PPP1R12B: variants seen among roughly 807,000 people sequenced by gnomAD.
PPP1R12B encodes protein phosphatase 1 regulatory subunit 12B.
Under a neutral mutation model 126.1 loss-of-function variants are expected in PPP1R12B, and 76 were observed. The observed-to-expected ratio is 0.60, with a 90% confidence interval of 0.50 to 0.73. The LOEUF is 0.73. PPP1R12B is among the 30% of genes least tolerant of loss of function. The pLI, the probability that PPP1R12B is intolerant of heterozygous loss-of-function variation, is 0.00. For missense variants in PPP1R12B, 1,052 were observed against 1,205.1 expected (o/e 0.87, Z 1.88); for synonymous variants, 356 against 434.7 (o/e 0.82, Z 2.25).
intron 18 of PPP1R12B, among the ~76,000 whole-genome samples, chr1:202,511,161 G>A (rs1440018340): frequency 1.3e-5 from 2 of 149,896 alleles, no homozygotes; most frequent in Non-Finnish European, 3.0e-5. Context: ...CTTTGATGGC[G>A]ATTTCTGAGA....
At chr1:202,566,803 A>T (rs1397787127) in intron 21 of PPP1R12B, among the ~76,000 whole-genome samples, 2 of 150,906 alleles carry the variant, frequency 1.3e-5, no homozygotes, top group Non-Finnish European at 3.0e-5. Flanking sequence ...CCATTCCTTA[A>T]TTTTTTTTTT....
rs1212040386 is a variant in PPP1R12B at position 202,430,724 on chromosome 1, T to C, written c.922-7T>C. The C allele has an allele frequency of 6.2e-7, 1 of 1,612,224 alleles. No homozygotes were observed. Among genetic ancestry groups the C allele is most frequent in the Admixed American group, 1.7e-5 (1 of 59,880 alleles). On this transcript the variant is annotated splice_region_variant and splice_polypyrimidine_tract_variant and intron_variant, in intron 6 of 23. Transcript: ENST00000608999. ...TTCCCTTTTCTCTCTGTTTTCTCCA[T>C]TTCCAGCTTCGAAGTGAAAAGGAGA...
intron 1 of PPP1R12B, among the ~76,000 whole-genome samples, chr1:202,412,441 A>C (rs1373501406): frequency 6.6e-6 from 1 of 152,226 alleles, no homozygotes; most frequent in Non-Finnish European, 1.5e-5. Flanking sequence ...CTCCCGTTTG[A>C]TACCTGGACT....
At chr1:202,447,806 A>G (rs955000487) in intron 12 of PPP1R12B, among the ~76,000 whole-genome samples, 2 of 152,190 alleles carry the variant, frequency 1.3e-5, no homozygotes, top group Non-Finnish European at 2.9e-5. Context: ...GTGTCTAGCT[A>G]ATTTTATTAG....
intron 2 of PPP1R12B, chr1:202,417,349 A>G (rs1668215497): frequency 2.1e-5 from 21 of 985,332 alleles, no homozygotes; most frequent in Non-Finnish European, 2.4e-5. Context: ...CAGTCACAGC[A>G]CTCGTGTAGT....
intron 1 of PPP1R12B, among the ~76,000 whole-genome samples, chr1:202,378,410 A>C (rs1661632174): frequency 1.3e-5 from 2 of 152,014 alleles, no homozygotes; most frequent in African/African-American, 4.8e-5. Flanking sequence ...TTGCTCCATT[A>C]TGCTGAAACT....
chr1:202,439,620 T>G (rs1671348466), intron 10 of PPP1R12B: 7 of 929,752 alleles, frequency 7.5e-6, no homozygotes, highest in Non-Finnish European at 1.2e-5. Context: ...TGCCCTGTGC[T>G]CCATAACTCC....
At chr1:202,537,024 C>G (rs1271866483) in intron 18 of PPP1R12B, among the ~76,000 whole-genome samples, 2 of 152,168 alleles carry the variant, frequency 1.3e-5, no homozygotes, top group African/African-American at 4.8e-5. Context: ...GAAGTACACT[C>G]TAAAATAATG....
intron 1 of PPP1R12B, among the ~76,000 whole-genome samples, chr1:202,356,360 G>A (rs1055966564): frequency 2.0e-5 from 3 of 152,178 alleles, no homozygotes; most frequent in East Asian, 1.9e-4. Flanking sequence ...AAAACATACA[G>A]AGAAGAGCAG....
intron 6 of PPP1R12B, among the ~76,000 whole-genome samples, chr1:202,429,148 C>G (rs775939338): frequency 4.3e-4 from 66 of 152,194 alleles, no homozygotes; most frequent in Non-Finnish European, 3.7e-4. Context: ...TATAAGATAG[C>G]CTTCAAGAAG....
At chr1:202,355,884 T>C (rs1028886755) in intron 1 of PPP1R12B, among the ~76,000 whole-genome samples, 1 of 152,122 alleles carries the variant, frequency 6.6e-6, no homozygotes, top group African/African-American at 2.4e-5. Flanking sequence ...AAATCTCCTA[T>C]AGGTGTTTAG....
chr1:202,533,506 A>G (rs902669340), intron 18 of PPP1R12B, among the ~76,000 whole-genome samples: 8 of 151,556 alleles, frequency 5.3e-5, no homozygotes, highest in Non-Finnish European at 8.8e-5. Flanking sequence ...TTTGGTAGAG[A>G]CGGGGTTTTA....
At chr1:202,404,177 G>A (rs1481220819) in intron 1 of PPP1R12B, among the ~76,000 whole-genome samples, 1 of 152,100 alleles carries the variant, frequency 6.6e-6, no homozygotes, top group Admixed American at 6.6e-5. Context: ...CTTTATCATG[G>A]ATGGAATATA....
chr1:202,591,926 G>C lies in PPP1R12B; in HGVS notation c.*11366G>C, dbSNP rs1175940973. On this transcript the variant is annotated 3_prime_UTR_variant, in exon 24 of 24. Transcript: ENST00000608999. ...TGAACTGTGAACCCAGGCCGAGAAA[G>C]CCAGCTCGGGCAGGGCCAGCATGGG... 2 of 152,902 alleles carry C rather than the reference G, an allele frequency of 1.3e-5. No individual in the cohort carries two copies. The highest frequency in any genetic ancestry group is 3.9e-4 in the East Asian group (2 of 5,188). The allele number at this position is 152,902 out of a possible 1,614,324, so 9.5% of individuals were successfully genotyped here. A position where few individuals can be genotyped will look rare whatever the true frequency, so the allele number is the denominator to read the frequency against.
chr1:202,576,759 A>C (rs575563442), intron 23 of PPP1R12B: 1 of 152,310 alleles, frequency 6.6e-6, no homozygotes, highest in East Asian at 1.9e-4. Context: ...TCATTTATTT[A>C]AGGCCTGTGC....
At chr1:202,534,649 T>C (rs1319959705) in intron 18 of PPP1R12B, among the ~76,000 whole-genome samples, 1 of 151,170 alleles carries the variant, frequency 6.6e-6, no homozygotes, top group Non-Finnish European at 1.5e-5. Flanking sequence ...ACTTATTTGC[T>C]CAATCCCTTG....
At chr1:202,485,281 C>G (rs1677940521) in intron 13 of PPP1R12B, among the ~76,000 whole-genome samples, 1 of 152,004 alleles carries the variant, frequency 6.6e-6, no homozygotes, top group African/African-American at 2.4e-5. Context: ...CCTGTGTGAA[C>G]ATGATAGAGT....
At position 202,485,013 on chromosome 1, in the gene PPP1R12B, G is replaced by A. The variant is rs1348618221; in HGVS notation, c.1851-3520G>A. Reference sequence around the variant, plus strand: ...CAGCAGGGCTGGGTGGTTCTGCAGCGGTCTGAGGGATGGAACCACGGTAGA... The same window carrying A: ...CAGCAGGGCTGGGTGGTTCTGCAGCAGTCTGAGGGATGGAACCACGGTAGA... On this transcript the variant is annotated intron_variant, in intron 13 of 23. Coordinates refer to ENST00000608999, the MANE Select transcript of PPP1R12B (RefSeq NM_002481.4). Among the ~76,000 whole-genome samples the A allele has an allele frequency of 6.6e-5, 10 of 152,312 alleles. No individual in the cohort carries two copies. In the East Asian group the frequency reaches 7.7e-4, roughly 12 times the overall value.
At chr1:202,510,065 TA>T (rs1342894704) in intron 18 of PPP1R12B, among the ~76,000 whole-genome samples, 2 of 152,202 alleles carry the variant, frequency 1.3e-5, no homozygotes, top group Non-Finnish European at 2.9e-5. Context: ...TATGTACTTT[TA>T]AAAAACTCCA....
Sources: gnomAD v4.1 joint callset for allele counts (sites outside exome capture counted in the v4.1 genomes callset) on GRCh38, gnomAD v4.1.1 for gene constraint, MANE v1.5 for transcripts, NCBI Gene and HGNC (gene_info 2026-07-23, HGNC 2026-07-21) for gene names.